Variants in IRF2 observed in about 807,000 individuals in gnomAD.
IRF2 encodes the protein interferon regulatory factor 2.
Under a neutral mutation model 40.6 loss-of-function variants are expected in IRF2, and 15 were observed. The ratio of observed to expected loss-of-function variants is 0.37; its 90% confidence interval spans 0.25 to 0.57. IRF2 has a LOEUF of 0.57. Ranked by LOEUF, IRF2 falls within the 20% of genes least tolerant of loss-of-function variation. The pLI is 0.77. For missense variants in IRF2, 317 were observed against 455.7 expected (o/e 0.70, Z 2.77); for synonymous variants, 151 against 165.5 (o/e 0.91, Z 0.67).
At chr4:184,415,206 G>A (rs974892762) in intron 5 of IRF2, among the ~76,000 whole-genome samples, 8 of 152,222 alleles carry the variant, frequency 5.3e-5, no homozygotes, top group African/African-American at 1.7e-4. Flanking sequence ...AAGTAAGGCT[G>A]TGTTTAGGCC....
intron 7 of IRF2, among the ~76,000 whole-genome samples, chr4:184,394,710 C>T (rs187151797): frequency 6.6e-6 from 1 of 152,136 alleles, no homozygotes; most frequent in Non-Finnish European, 1.5e-5. Context: ...CCCTCTTACC[C>T]ATCCTCCCCC....
rs1031809526 is a variant in IRF2, at chr4:184,413,975, C to T, written c.411+4192G>A. On this transcript the variant is annotated intron_variant, in intron 5 of 8. Coordinates refer to ENST00000393593, the MANE Select transcript of IRF2 (RefSeq NM_002199.4). The surrounding 1 kb of genome is among the most constrained non-coding windows in gnomAD (Gnocchi z 4.2). ...GGAAGGACCAGTTTGACCCTGTCCACCCCTCAAGGCCTGGCTTAGGCCCCA... is the reference window on the plus strand; with the variant it reads ...GGAAGGACCAGTTTGACCCTGTCCATCCCTCAAGGCCTGGCTTAGGCCCCA... Among the ~76,000 whole-genome samples, 3 of 152,246 alleles carry T rather than the reference C, an allele frequency of 2.0e-5. No homozygotes were observed. Among genetic ancestry groups the T allele is most frequent in the Non-Finnish European group, 4.4e-5 (3 of 68,042 alleles).
At chr4:184,469,866 G>A (rs1739455442) in intron 1 of IRF2, among the ~76,000 whole-genome samples, 2 of 152,090 alleles carry the variant, frequency 1.3e-5, no homozygotes, top group Admixed American at 6.5e-5. Context: ...GGGACAAAGG[G>A]GACCTGTGAG....
chr4:184,471,721 T>C (rs1388891635), intron 1 of IRF2, among the ~76,000 whole-genome samples: 1 of 152,212 alleles, frequency 6.6e-6, no homozygotes, highest in Non-Finnish European at 1.5e-5. Flanking sequence ...GGTGCACTAT[T>C]TGCCTAATAA....
rs928582195 is a variant in IRF2, at chr4:184,418,850, T to C, written c.188-142A>G. ...CTATACCTCCAGTGACCAATCGTCC[T>C]GGTGTACCTGGGGGTGAGAAAGTTC... On this transcript the variant is annotated intron_variant, in intron 3 of 8. Coordinates refer to ENST00000393593, the MANE Select transcript of IRF2 (RefSeq NM_002199.4). 5.8e-6 allele frequency: 4 copies of C among 692,704 alleles called. No individual in the cohort carries two copies. The Admixed American group carries it at 1.1e-4, about 20-fold the overall frequency. The allele number at this position is 692,704 out of a possible 1,614,324, so 42.9% of individuals were successfully genotyped here. A position where few individuals can be genotyped will look rare whatever the true frequency, so the allele number is the denominator to read the frequency against.
chr4:184,454,612 T>C (rs1418329993), intron 1 of IRF2, among the ~76,000 whole-genome samples: 1 of 152,192 alleles, frequency 6.6e-6, no homozygotes, highest in African/African-American at 2.4e-5. Context: ...TGGCATCCAT[T>C]GGATGGTCAC....
chr4:184,470,403 C>T (rs530319409), intron 1 of IRF2, among the ~76,000 whole-genome samples: 1 of 152,188 alleles, frequency 6.6e-6, no homozygotes, highest in South Asian at 2.1e-4. Flanking sequence ...TAAAGCAGGC[C>T]GGCGCAGTGG....
chr4:184,398,837 TGGTGAGATG>T, intron 7 of IRF2, 69 bp downstream of exon 7: 1 of 1,307,220 alleles, frequency 7.6e-7, no homozygotes, highest in Non-Finnish European at 1.0e-6. Context: ...CTCCGTGGGG[TGGTGAGATG>T]GGTGACCCTA....
chr4:184,422,060 G>A (rs1737502823), intron 2 of IRF2, among the ~76,000 whole-genome samples: 1 of 151,456 alleles, frequency 6.6e-6, no homozygotes, highest in Non-Finnish European at 1.5e-5. Context: ...CCTGTCGCCT[G>A]CACCATTCTC....
intron 5 of IRF2, among the ~76,000 whole-genome samples, chr4:184,417,782 A>C (rs1737335231): frequency 6.6e-6 from 1 of 152,240 alleles, no homozygotes. Flanking sequence ...AGAGGTCTAT[A>C]ACATTTAATA....
At chr4:184,389,595 T>A (rs943881534) in intron 8 of IRF2, among the ~76,000 whole-genome samples, 1 of 152,158 alleles carries the variant, frequency 6.6e-6, no homozygotes, top group Non-Finnish European at 1.5e-5. Context: ...TTTTCTTCCC[T>A]TTTCTTTTTT....
chr4:184,392,828 A>C (rs1261833904), intron 7 of IRF2, among the ~76,000 whole-genome samples: 1 of 151,470 alleles, frequency 6.6e-6, no homozygotes, highest in East Asian at 1.9e-4. Context: ...CTTCACACAA[A>C]CCTGAGTGAT....
At chr4:184,453,879 G>C (rs1459002428) in intron 1 of IRF2, among the ~76,000 whole-genome samples, 1 of 152,176 alleles carries the variant, frequency 6.6e-6, no homozygotes, top group Non-Finnish European at 1.5e-5. Flanking sequence ...GAAAAGACAA[G>C]GGGACAAGAG....
chr4:184,474,092 TC>T lies in IRF2; in HGVS notation c.-7+286del, dbSNP rs1739635786. On this transcript the variant is annotated intron_variant, in intron 1 of 8. Coordinates refer to ENST00000393593, the MANE Select transcript of IRF2 (RefSeq NM_002199.4). This position sits in a 1 kb window ranked among gnomAD's most constrained non-coding sequence, Gnocchi z 5.6. ...TAAACCTCCACCAACCTCCTCCTCC[TC>T]CTCCCTCTCTACCTCCTCCTCCTCC... The T allele has an allele frequency of 1.3e-5, 2 of 153,672 alleles. No individual in the cohort carries two copies. The highest frequency in any genetic ancestry group is 2.9e-5 in the Non-Finnish European group (2 of 69,202). The allele number at this position is 153,672 out of a possible 1,614,324, so 9.5% of individuals were successfully genotyped here.
At chr4:184,401,601 G>A (rs1041616858) in intron 6 of IRF2, among the ~76,000 whole-genome samples, 2 of 152,150 alleles carry the variant, frequency 1.3e-5, no homozygotes, top group Non-Finnish European at 2.9e-5. Flanking sequence ...GACTGACGCT[G>A]ACCTACACCA....
At chr4:184,440,277 G>A (rs971665923) in intron 1 of IRF2, among the ~76,000 whole-genome samples, 8 of 152,174 alleles carry the variant, frequency 5.3e-5, no homozygotes, top group Non-Finnish European at 8.8e-5. Flanking sequence ...GGGGCTCTCC[G>A]CTCTGCCCCG....
intron 1 of IRF2, among the ~76,000 whole-genome samples, chr4:184,452,115 C>T (rs1468731421): frequency 6.6e-6 from 1 of 152,172 alleles, no homozygotes; most frequent in African/African-American, 2.4e-5. Context: ...AGACCCTCCT[C>T]AGGTGATGTA....
At chr4:184,449,210 A>G (rs763218746) in intron 1 of IRF2, among the ~76,000 whole-genome samples, 8 of 152,132 alleles carry the variant, frequency 5.3e-5, no homozygotes, top group Non-Finnish European at 8.8e-5. Flanking sequence ...GACTCTCATC[A>G]TTCCACTGCC....
rs900390617 is a variant in IRF2 at position 184,414,296 on chromosome 4, T to C, written c.411+3871A>G. Among the ~76,000 whole-genome samples, 5 of 152,348 alleles carry C rather than the reference T, an allele frequency of 3.3e-5. No individual in the cohort carries two copies. The East Asian group carries it at 5.8e-4, about 18-fold the overall frequency. Reference sequence around the variant, plus strand: ...GTTCCATGATATTTTCTGAAACATATACATGCACTGATGATGTAGAATCCA... The same window carrying C: ...GTTCCATGATATTTTCTGAAACATACACATGCACTGATGATGTAGAATCCA... On this transcript the variant is annotated intron_variant, in intron 5 of 8. Coordinates refer to ENST00000393593, the MANE Select transcript of IRF2 (RefSeq NM_002199.4).
Sources: allele counts gnomAD v4.1 joint callset (sites outside exome capture counted in the v4.1 genomes callset), GRCh38; gene constraint gnomAD v4.1.1; non-coding constraint Gnocchi (gnomAD v3.1); transcripts MANE v1.5; gene names NCBI Gene and HGNC (gene_info 2026-07-23, HGNC 2026-07-21).